GPR37: variants seen among roughly 807,000 people sequenced by gnomAD.
The protein encoded by GPR37 is G protein-coupled receptor 37.
A neutral mutation model predicts 43.6 loss-of-function variants in GPR37; 20 were observed. The ratio of observed to expected loss-of-function variants is 0.46; its 90% CI spans 0.32 to 0.67. GPR37 has a LOEUF of 0.67. Among genes scored for constraint, GPR37 ranks in the 30% least tolerant of loss-of-function variants. The probability of loss-of-function intolerance (pLI) is 0.03; values close to 1 mark genes in which losing one functional copy is unlikely to be tolerated. For synonymous variants in GPR37, 315 were observed against 322.6 expected (o/e 0.98, Z 0.25); for missense variants, 724 against 797.2 (o/e 0.91, Z 1.11).
chr7:124,764,050 G>T lies in GPR37; in HGVS notation c.927C>A (p.Leu309=). Residue 309 remains leucine, a synonymous_variant, in exon 1 of 2, where the codon CTC becomes CTA. Coordinates refer to ENST00000303921, the MANE Select transcript of GPR37 (RefSeq NM_005302.5). The surrounding 1 kb of genome is among the most constrained non-coding windows in gnomAD (Gnocchi z 5.4). ...LLANLAFWDF[L]IIFFCLPLVI... The stretch of plus-strand genomic sequence containing the variant: ...CCAGCGGAAGGCAGAAGAAGATGAT[G>T]AGAAAGTCCCAGAAGGCCAGGTTGG... The T allele has an allele frequency of 6.2e-7, 1 of 1,614,210 alleles. No homozygotes were observed. The highest frequency in any genetic ancestry group is 1.1e-5 in the South Asian group (1 of 91,086).
At chr7:124,749,865 C>G (rs1350069446) in intron 1 of GPR37, among the ~76,000 whole-genome samples, 1 of 152,042 alleles carries the variant, frequency 6.6e-6, no homozygotes, top group Non-Finnish European at 1.5e-5. Flanking sequence ...TTCAGAATGT[C>G]TCCCATAAAC....
chr7:124,759,470 C>A (rs1388448515), intron 1 of GPR37, among the ~76,000 whole-genome samples: 1 of 152,162 alleles, frequency 6.6e-6, no homozygotes, highest in Admixed American at 6.5e-5. Flanking sequence ...CCACACATAT[C>A]TCCACCTCCC....
chr7:124,751,971 A>C (rs578065570), intron 1 of GPR37, among the ~76,000 whole-genome samples: 1 of 152,062 alleles, frequency 6.6e-6, no homozygotes, highest in East Asian at 2.0e-4. Context: ...AATTTTAACT[A>C]TTGGGGAAAA....
At chr7:124,753,588 T>C (rs1457873127) in intron 1 of GPR37, among the ~76,000 whole-genome samples, 1 of 151,796 alleles carries the variant, frequency 6.6e-6, no homozygotes, top group Non-Finnish European at 1.5e-5. Flanking sequence ...TTTGAAAATA[T>C]AATGGAAGTT....
intron 1 of GPR37, among the ~76,000 whole-genome samples, chr7:124,762,482 TAA>T (rs11428732): frequency 4.9e-5 from 7 of 142,146 alleles, no homozygotes; most frequent in South Asian, 2.2e-4. Context: ...TTTCTTCTGA[TAA>T]AAAAAAAAAA....
At chr7:124,754,749 T>G (rs1193305735) in intron 1 of GPR37, among the ~76,000 whole-genome samples, 1 of 152,138 alleles carries the variant, frequency 6.6e-6, no homozygotes, top group East Asian at 1.9e-4. Flanking sequence ...AGAAAACCCA[T>G]TCATTTGGGC....
Position 124,747,309 on chromosome 7 carries a change from C to T in GPR37, c.1058G>A (p.Cys353Tyr), listed in dbSNP as rs1793684178. The T allele has an allele frequency of 6.2e-7, 1 of 1,613,092 alleles. No homozygotes were observed. Among genetic ancestry groups the T allele is most frequent in the Non-Finnish European group, 8.5e-7 (1 of 1,179,506 alleles). Residue 353 changes from cysteine (C) to tyrosine (Y), a missense_variant, in exon 2 of 2, where the codon TGT becomes TAT. This residue lies in a region of GPR37 where 342 missense variants were observed against 441.8 expected (regional missense o/e 0.77). Coordinates refer to ENST00000303921, the MANE Select transcript of GPR37 (RefSeq NM_005302.5). ...ASLGVTTFTL[C>Y]ALCIDRFRAA... The stretch of plus-strand genomic sequence containing the variant: ...ACGGAAGCGGTCTATGCACAGAGCA[C>T]ATAAGGTGAAAGTGGTGACTCCCAG...
At chr7:124,756,941 G>A (rs1482379157) in intron 1 of GPR37, among the ~76,000 whole-genome samples, 1 of 152,124 alleles carries the variant, frequency 6.6e-6, no homozygotes. Flanking sequence ...AAACTTATAA[G>A]CTCATATCTG....
At chr7:124,756,660 C>T (rs1584725716) in intron 1 of GPR37, among the ~76,000 whole-genome samples, 1 of 152,148 alleles carries the variant, frequency 6.6e-6, no homozygotes, top group Non-Finnish European at 1.5e-5. Flanking sequence ...TGGACCTTGG[C>T]AGGTCAATTC....
chr7:124,746,635 C>T lies in GPR37; in HGVS notation c.1732G>A (p.Val578Met), dbSNP rs539894213. 1 of 1,613,892 alleles carries T rather than the reference C, an allele frequency of 6.2e-7. No homozygotes were observed. Among genetic ancestry groups the T allele is most frequent in the African/African-American group, 1.3e-5 (1 of 74,998 alleles). The part of the protein sequence containing the change: ...CEECIQKSST[V>M]TSDDNDNEYT... ...TCGTTGTCATTGTCATCACTGGTCA[C>T]CGTTGAAGACTTCTGAATGCATTCC... Residue 578 changes from valine to methionine, a missense_variant, in exon 2 of 2, where the codon GTG (valine) becomes ATG (methionine). By Grantham distance (21) the Val-to-Met change is conservative (BLOSUM62 1). This residue lies in a region of GPR37 where 342 missense variants were observed against 441.8 expected (regional missense o/e 0.77). Coordinates refer to ENST00000303921, the MANE Select transcript of GPR37 (RefSeq NM_005302.5).
At chr7:124,754,451 CTT>C (rs1793769495) in intron 1 of GPR37, among the ~76,000 whole-genome samples, 2 of 152,102 alleles carry the variant, frequency 1.3e-5, no homozygotes, top group Admixed American at 1.3e-4. Context: ...TAAATTGTGT[CTT>C]TCGCAAAACT....
intron 1 of GPR37, among the ~76,000 whole-genome samples, chr7:124,763,220 T>C (rs1470047483): frequency 6.6e-6 from 1 of 152,204 alleles, no homozygotes; most frequent in African/African-American, 2.4e-5. Flanking sequence ...AACAAATGTA[T>C]AACTTTGAGA....
chr7:124,751,397 G>T (rs187134083), intron 1 of GPR37, among the ~76,000 whole-genome samples: 7 of 152,160 alleles, frequency 4.6e-5, no homozygotes, highest in African/African-American at 1.7e-4. Context: ...ATGTACAAAG[G>T]CCCTGTCAGT....
At chr7:124,762,617 G>T (rs1793863591) in intron 1 of GPR37, among the ~76,000 whole-genome samples, 2 of 152,210 alleles carry the variant, frequency 1.3e-5, no homozygotes, top group Non-Finnish European at 2.9e-5. Flanking sequence ...AAACAAAGTA[G>T]ATGTTTCAGA....
chr7:124,756,767 C>G (rs1372980642), intron 1 of GPR37, among the ~76,000 whole-genome samples: 4 of 152,178 alleles, frequency 2.6e-5, no homozygotes, highest in African/African-American at 9.7e-5. Context: ...CATCCCTCTC[C>G]CACAATCTAC....
chr7:124,763,582 C>G (rs1250448594), intron 1 of GPR37, among the ~76,000 whole-genome samples: 1 of 147,502 alleles, frequency 6.8e-6, no homozygotes, highest in Non-Finnish European at 1.5e-5. Context: ...TTTTTTTTTC[C>G]TTGTAGGCTC....
At position 124,747,088 on chromosome 7, in the gene GPR37, A is replaced by C. The variant is rs149358350; in HGVS notation, c.1279T>G (p.Leu427Val). 1 of 1,613,854 alleles carries C rather than the reference A, an allele frequency of 6.2e-7. No homozygotes were observed. Among genetic ancestry groups the C allele is most frequent in the African/African-American group, 1.3e-5 (1 of 74,884 alleles). Residue 427 changes from leucine to valine, a missense_variant, in exon 2 of 2, where the codon TTA becomes GTA. Leu to Val is a conservative substitution (Grantham distance 32). Around this residue, in one of 2 missense-constraint regions of GPR37, gnomAD observed 342 missense variants for 441.8 expected, o/e 0.77. Transcript: ENST00000303921. Reference sequence around the variant, plus strand: ...GCTAGAACATAGATGGTGTCTGGTAAATCAGGAGAGATCTTAATAATGCAC... The same window carrying C: ...GCTAGAACATAGATGGTGTCTGGTACATCAGGAGAGATCTTAATAATGCAC... ...ERCIIKISPD[L>V]PDTIYVLALT...
In GPR37 at chr7:124,747,357, T is replaced by C. The variant is rs759306902; in HGVS notation, c.1024-14A>G. The C allele has an allele frequency of 6.5e-7, 1 of 1,548,842 alleles. No individual in the cohort carries two copies. The highest frequency in any genetic ancestry group is 1.2e-5 in the South Asian group (1 of 85,840). The stretch of plus-strand genomic sequence containing the variant: ...CAGAGAAGCGACCTGTGGGGGAACA[T>C]AGAAGACATTTATTCCCGGTGTCCC... On this transcript the variant is annotated splice_polypyrimidine_tract_variant and intron_variant, in intron 1 of 1. Coordinates refer to ENST00000303921, the MANE Select transcript of GPR37 (RefSeq NM_005302.5).
rs538085669 is a variant in GPR37 at position 124,762,164 on chromosome 7, G to C, written c.1023+1790C>G. Among the ~76,000 whole-genome samples, 16 of 152,198 alleles carry C rather than the reference G, an allele frequency of 1.1e-4. No homozygotes were observed. The East Asian group carries it at 2.9e-3, about 28-fold the overall frequency. On this transcript the variant is annotated intron_variant, in intron 1 of 1. Coordinates refer to ENST00000303921, the MANE Select transcript of GPR37 (RefSeq NM_005302.5). The stretch of plus-strand genomic sequence containing the variant: ...GTACAAACTCAGAATTACGGAAAAA[G>C]AAAATTAAAATAAGTACATAATAAA...
Sources: allele counts gnomAD v4.1 joint callset (sites outside exome capture counted in the v4.1 genomes callset), GRCh38; gene constraint gnomAD v4.1.1; regional missense constraint gnomAD v4.1.1; non-coding constraint Gnocchi (gnomAD v3.1); transcripts MANE v1.5; gene names NCBI Gene and HGNC (gene_info 2026-07-23, HGNC 2026-07-21).